ENPP6: variants seen among roughly 807,000 people sequenced by gnomAD.
ENPP6 encodes the protein glycerophosphocholine cholinephosphodiesterase ENPP6.
In ENPP6, 32 loss-of-function variants were observed where a neutral mutation model predicts 42.0. That is an observed-to-expected ratio of 0.76 (90% CI 0.58 to 1.02). ENPP6 has a LOEUF of 1.02. ENPP6 is among the 50% of genes least tolerant of loss of function. The probability of loss-of-function intolerance (pLI) is 0.00; values close to 1 mark genes in which losing one functional copy is unlikely to be tolerated. For synonymous variants in ENPP6, 213 were observed against 216.0 expected (o/e 0.99, Z 0.12); for missense variants, 552 against 566.8 (o/e 0.97, Z 0.27).
chr4:184,170,642 A>C (rs1392551415), intron 1 of ENPP6, among the ~76,000 whole-genome samples: 1 of 152,100 alleles, frequency 6.6e-6, no homozygotes, highest in African/African-American at 2.4e-5. Flanking sequence ...TGCCATTAGC[A>C]TGTTCCTTAG....
At chr4:184,178,043 C>T (rs895292016) in intron 1 of ENPP6, among the ~76,000 whole-genome samples, 4 of 152,116 alleles carry the variant, frequency 2.6e-5, no homozygotes, top group Admixed American at 6.5e-5. Flanking sequence ...TAGAAGTAGG[C>T]TTCAGAAGGT....
rs528332679 is a variant in ENPP6 at position 184,164,712 on chromosome 4, C to A, written c.242-10979G>T. ...ACTTGTGGTACTTCGTTACAGCAGG[C>A]CTAGGAAAGGAATTCCACATTTCGT... On this transcript the variant is annotated intron_variant, in intron 1 of 7. Coordinates refer to ENST00000296741, the MANE Select transcript of ENPP6 (RefSeq NM_153343.4). 6.6e-5 allele frequency among the ~76,000 whole-genome samples: 10 copies of A among 152,318 alleles called. No homozygotes were observed. The South Asian group carries it at 1.9e-3, about 28-fold the overall frequency.
intron 5 of ENPP6, among the ~76,000 whole-genome samples, chr4:184,114,768 CAAA>C (rs11327945): frequency 2.3e-5 from 3 of 129,562 alleles, no homozygotes; most frequent in African/African-American, 5.9e-5. Context: ...TCTTTCTTGC[CAAA>C]AAAAAAAAAG....
intron 2 of ENPP6, among the ~76,000 whole-genome samples, chr4:184,131,478 C>T (rs186004917): frequency 2.6e-5 from 4 of 150,970 alleles, no homozygotes; most frequent in Admixed American, 6.6e-5. Flanking sequence ...TTAGCCTCCC[C>T]GAGTAGCTGG....
chr4:184,101,693 G>A (rs974476451), intron 6 of ENPP6, among the ~76,000 whole-genome samples: 2 of 152,180 alleles, frequency 1.3e-5, no homozygotes, highest in Admixed American at 6.5e-5. Flanking sequence ...GGCAAACCAG[G>A]ACAAGTTGGC....
At chr4:184,142,055 C>G (rs4635853) in intron 2 of ENPP6, among the ~76,000 whole-genome samples, 99,075 of 152,056 alleles carry the variant, frequency 0.65, 32,572 homozygotes, top group South Asian at 0.69. Context: ...AGAGGTGAAC[C>G]TCCCAAGGTC....
At chr4:184,135,355 TTTATG>T (rs1253951696) in intron 2 of ENPP6, among the ~76,000 whole-genome samples, 6 of 152,220 alleles carry the variant, frequency 3.9e-5, no homozygotes, top group Non-Finnish European at 7.4e-5. Context: ...TTTTGACTTA[TTTATG>T]TTGAGAGTGT....
At chr4:184,146,438 A>G (rs979387222) in intron 2 of ENPP6, among the ~76,000 whole-genome samples, 55 of 150,322 alleles carry the variant, frequency 3.7e-4, no homozygotes, top group African/African-American at 9.3e-4. Context: ...TCAAAAAAAA[A>G]AAAGAAAGAA....
In ENPP6 at chr4:184,136,538, T is replaced by C. The variant is rs150768044; in HGVS notation, c.422-12266A>G. On this transcript the variant is annotated intron_variant, in intron 2 of 7. Transcript: ENST00000296741. Reference sequence around the variant, plus strand: ...CTAGCTGGCAATGAGTTCTCTCAGTTTGCTATCTCTATATTTTCTATGGTT... The same window carrying C: ...CTAGCTGGCAATGAGTTCTCTCAGTCTGCTATCTCTATATTTTCTATGGTT... Among the ~76,000 whole-genome samples, 264 of 152,374 alleles carry C rather than the reference T, an allele frequency of 1.7e-3. 1 individual carries two copies. The highest frequency in any genetic ancestry group is 6.1e-3 in the African/African-American group (253 of 41,582).
At chr4:184,207,828 T>C (rs1031380845) in intron 1 of ENPP6, among the ~76,000 whole-genome samples, 2 of 152,208 alleles carry the variant, frequency 1.3e-5, no homozygotes, top group African/African-American at 4.8e-5. Context: ...CAGCAACTTA[T>C]TTGTTCACAG....
intron 3 of ENPP6, among the ~76,000 whole-genome samples, chr4:184,121,672 T>G (rs987739702): frequency 6.6e-6 from 1 of 152,208 alleles, no homozygotes; most frequent in African/African-American, 2.4e-5. Context: ...GCCTACATCT[T>G]TGCTAGACAC....
At chr4:184,109,117 G>A (rs1226654855) in intron 6 of ENPP6, among the ~76,000 whole-genome samples, 7 of 152,022 alleles carry the variant, frequency 4.6e-5, no homozygotes, top group African/African-American at 1.4e-4. Context: ...AGGCTGAGGC[G>A]GGAGGATCTC....
intron 1 of ENPP6, among the ~76,000 whole-genome samples, chr4:184,159,233 T>A (rs1305411740): frequency 1.3e-5 from 2 of 152,236 alleles, no homozygotes; most frequent in East Asian, 3.8e-4. Context: ...AAAGTTGTTT[T>A]TATAGAAAAA....
chr4:184,138,966 A>C (rs1736774877), intron 2 of ENPP6, among the ~76,000 whole-genome samples: 1 of 152,268 alleles, frequency 6.6e-6, no homozygotes, highest in African/African-American at 2.4e-5. Context: ...ACAGACTCAG[A>C]TAATGGGGTG....
chr4:184,113,315 A>G (rs999783457), intron 5 of ENPP6, among the ~76,000 whole-genome samples: 99 of 152,250 alleles, frequency 6.5e-4, no homozygotes, highest in African/African-American at 2.3e-3. Context: ...ATTTCTTATT[A>G]TAGTTTGAGC....
chr4:184,100,630 A>G (rs4557318), intron 6 of ENPP6, among the ~76,000 whole-genome samples: 67,196 of 151,656 alleles, frequency 0.44, 15,039 homozygotes, highest in East Asian at 0.6. Flanking sequence ...TCCCAGGGTG[A>G]AAGGAAGCAC....
At chr4:184,187,085 A>G (rs967950698) in intron 1 of ENPP6, among the ~76,000 whole-genome samples, 6 of 152,238 alleles carry the variant, frequency 3.9e-5, no homozygotes, top group African/African-American at 1.4e-4. Flanking sequence ...AGGAAGCAGA[A>G]GCAGGCCGTA....
At chr4:184,212,168 A>C (rs1184934159) in intron 1 of ENPP6, among the ~76,000 whole-genome samples, 2 of 151,888 alleles carry the variant, frequency 1.3e-5, no homozygotes, top group Admixed American at 1.3e-4. Context: ...ATTCCCTTTG[A>C]AAACTGGCAC....
intron 2 of ENPP6, among the ~76,000 whole-genome samples, chr4:184,127,685 G>T (rs772887969): frequency 5.3e-5 from 8 of 152,064 alleles, no homozygotes; most frequent in Admixed American, 5.2e-4. Context: ...TGAACCTGGT[G>T]GGTGGAGGTT....
Sources: gnomAD v4.1 joint callset for allele counts (sites outside exome capture counted in the v4.1 genomes callset) on GRCh38, gnomAD v4.1.1 for gene constraint, MANE v1.5 for transcripts, NCBI Gene and HGNC (gene_info 2026-07-23, HGNC 2026-07-21) for gene names.